DIP2A: variants seen among roughly 807,000 people sequenced by gnomAD.
The protein encoded by DIP2A is disco-interacting protein 2 homolog A.
In DIP2A, 85 loss-of-function variants were observed where a neutral mutation model predicts 177.4. The ratio of observed to expected loss-of-function variants is 0.48; its 90% CI spans 0.40 to 0.57. The LOEUF is 0.57. Ranked by LOEUF, DIP2A falls within the 20% of genes least tolerant of loss-of-function variation. The pLI, the probability that DIP2A is intolerant of heterozygous loss-of-function variation, is 0.00. For missense variants in DIP2A, 1,791 were observed against 2,100.2 expected, an observed-to-expected ratio of 0.85 and a Z score of 2.88; for synonymous variants, 886 against 881.8, an observed-to-expected ratio of 1.00 and a Z score of -0.08.
Position 46,538,486 on chromosome 21 carries a change from G to A in DIP2A, c.1805G>A (p.Arg602Gln), listed in dbSNP as rs73907514. The A allele has an allele frequency of 2.7e-4, 420 of 1,544,524 alleles. 2 individuals carry two copies. In the African/African-American group the frequency reaches 4.7e-3, roughly 17 times the overall value. Residue 602 changes from arginine to glutamine, a missense_variant, in exon 16 of 38, where the codon CGG becomes CAG. Physicochemically the swap from Arg to Gln is conservative, Grantham distance 43. Transcript: ENST00000417564. ...WIQKVCFYKA[R>Q]AALVKSRDMH... ...CTGTGCCATCCTCTCTCTGCAGCTC[G>A]GGCCGCGCTGGTGAAGTCGCGAGAC...
chr21:46,503,669 CTTT>C (rs2057815376), intron 5 of DIP2A, among the ~76,000 whole-genome samples: 2 of 125,478 alleles, frequency 1.6e-5, no homozygotes, highest in Non-Finnish European at 1.6e-5. Flanking sequence ...CTTTCTTTTT[CTTT>C]CTTTCTTTCT....
chr21:46,556,819 A>G lies in DIP2A; in HGVS notation c.3499-120A>G, dbSNP rs1222784305. ...CCAACCGTCTTTTAAGGAAATAAAT[A>G]TGATGTTTGGTAGTTCGGAGCTATG... On this transcript the variant is annotated intron_variant, in intron 29 of 37. Coordinates refer to ENST00000417564, the MANE Select transcript of DIP2A (RefSeq NM_015151.4). The surrounding 1 kb of genome is among the most constrained non-coding windows in gnomAD (Gnocchi z 4.5). The G allele has an allele frequency of 1.6e-5, 14 of 855,994 alleles. No homozygotes were observed. The highest frequency in any genetic ancestry group is 2.4e-5 in the Non-Finnish European group (14 of 586,146). The allele number at this position is 855,994 out of a possible 1,614,324, so 53.0% of individuals were successfully genotyped here. A position where few individuals can be genotyped will look rare whatever the true frequency, so the allele number is the denominator to read the frequency against.
At chr21:46,550,452 A>G (rs369282887) in intron 22 of DIP2A, 91 bp from the exon 23 acceptor site, 1 of 1,239,974 alleles carries the variant, frequency 8.1e-7, no homozygotes. Context: ...CCTGGGGAAC[A>G]GGTCCACAGA....
intron 9 of DIP2A, 105 bp downstream of exon 9, chr21:46,529,288 T>A: frequency 1.3e-6 from 1 of 761,672 alleles, no homozygotes; most frequent in Non-Finnish European, 2.1e-6. Flanking sequence ...ATTACAGCAT[T>A]AATACAAGGG....
chr21:46,546,814 T>A, intron 20 of DIP2A, 101 bp from the exon 21 acceptor site: 1 of 1,387,600 alleles, frequency 7.2e-7, no homozygotes, highest in Non-Finnish European at 9.9e-7. Flanking sequence ...CGCTAGAGGC[T>A]CCTGTGCTGT....
chr21:46,564,391 G>A (rs2060768129), intron 35 of DIP2A, among the ~76,000 whole-genome samples: 1 of 152,208 alleles, frequency 6.6e-6, no homozygotes, highest in South Asian at 2.1e-4. Flanking sequence ...TTGTCCTGAG[G>A]ACACAGTGGA....
the DIP2A span, among the ~76,000 whole-genome samples, chr21:46,575,294 T>C: frequency 2.6e-5 from 4 of 152,132 alleles, no homozygotes; most frequent in Non-Finnish European, 5.9e-5. Flanking sequence ...ATGAAGTCCA[T>C]ATATGAAAAT....
downstream of DIP2A, among the ~76,000 whole-genome samples, chr21:46,571,568 A>G (rs1486027246): frequency 6.6e-6 from 1 of 152,072 alleles, no homozygotes; most frequent in African/African-American, 2.4e-5. Context: ...ATCCTCTCCT[A>G]TTCCCTTGTG....
intron 34 of DIP2A, among the ~76,000 whole-genome samples, chr21:46,562,515 GA>G (rs1012241114): frequency 1.3e-5 from 2 of 152,214 alleles, no homozygotes; most frequent in Non-Finnish European, 2.9e-5. Flanking sequence ...GGGAGTCAGA[GA>G]GGGGTCCAGA....
At chr21:46,511,647 G>T in intron 8 of DIP2A, 33 bp downstream of exon 8, 2 of 1,500,476 alleles carry the variant, frequency 1.3e-6, no homozygotes, top group Non-Finnish European at 1.8e-6. Context: ...TGTGCTTCTG[G>T]GTTAGCTGTA....
At chr21:46,531,353 G>T (rs1206214455) in intron 9 of DIP2A, among the ~76,000 whole-genome samples, 2 of 152,156 alleles carry the variant, frequency 1.3e-5, no homozygotes, top group Admixed American at 1.3e-4. Context: ...AAACAAATTA[G>T]CTAGAGAATA....
intron 1 of DIP2A, chr21:46,463,134 C>T (rs1259691521): frequency 6.6e-6 from 1 of 152,260 alleles, no homozygotes; most frequent in African/African-American, 2.4e-5. Context: ...CTTAGACCCC[C>T]TGCCCCCCAA....
intron 8 of DIP2A, among the ~76,000 whole-genome samples, chr21:46,518,036 C>G (rs146303223): frequency 1.3e-5 from 2 of 152,254 alleles, no homozygotes; most frequent in African/African-American, 4.8e-5. Context: ...CTCTCCTACT[C>G]GGAAGCAGAG....
chr21:46,566,159 G>A (rs1407538638), intron 36 of DIP2A, among the ~76,000 whole-genome samples: 1 of 152,174 alleles, frequency 6.6e-6, no homozygotes, highest in Non-Finnish European at 1.5e-5. Flanking sequence ...GGCCAGACCG[G>A]TCTCTCTGCC....
At chr21:46,497,600 A>T (rs139739252) in intron 4 of DIP2A, among the ~76,000 whole-genome samples, 1 of 152,174 alleles carries the variant, frequency 6.6e-6, no homozygotes, top group African/African-American at 2.4e-5. Flanking sequence ...CTTTTATATG[A>T]GGTTTCTCTC....
intron 6 of DIP2A, among the ~76,000 whole-genome samples, chr21:46,507,692 CTTTTTTTTTTTTTTT>C (rs34594717): frequency 6.8e-5 from 3 of 43,952 alleles, no homozygotes; most frequent in African/African-American, 1.0e-4. Flanking sequence ...ATTTTCTGTT[CTTTTTTTTTTTTTTT>C]TTTTTTTTTT....
At chr21:46,504,612 C>A in intron 6 of DIP2A, 123 bp downstream of exon 6, 1 of 1,203,558 alleles carries the variant, frequency 8.3e-7, no homozygotes, top group Non-Finnish European at 1.1e-6. Flanking sequence ...TTAATCCATG[C>A]AGATAAATAG....
chr21:46,566,404 C>T (rs933831324), intron 36 of DIP2A, among the ~76,000 whole-genome samples, 156 bp from the exon 37 acceptor site: 35 of 152,186 alleles, frequency 2.3e-4, no homozygotes, highest in African/African-American at 8.2e-4. Context: ...CTGCCAGGAC[C>T]TCCATCACCC....
chr21:46,557,520 G>A lies in DIP2A; in HGVS notation c.3630-65G>A. On this transcript the variant is annotated intron_variant, in intron 30 of 37. Transcript: ENST00000417564. This position sits in a 1 kb window ranked among gnomAD's most constrained non-coding sequence, Gnocchi z 6.0. Reference sequence around the variant, plus strand: ...TGGAAAAGAAGTGTTCTTGAGGAAGGGAAGAGTGGAGTGCCCAGGGTGCTG... The same window carrying A: ...TGGAAAAGAAGTGTTCTTGAGGAAGAGAAGAGTGGAGTGCCCAGGGTGCTG... The A allele has an allele frequency of 1.3e-6, 2 of 1,527,278 alleles. No individual in the cohort carries two copies. Among genetic ancestry groups the A allele is most frequent in the Non-Finnish European group, 1.8e-6 (2 of 1,127,472 alleles). The allele number at this position is 1,527,278 out of a possible 1,614,324, so 94.6% of individuals were successfully genotyped here.
Sources: allele counts gnomAD v4.1 joint callset (sites outside exome capture counted in the v4.1 genomes callset), GRCh38; gene constraint gnomAD v4.1.1; non-coding constraint Gnocchi (gnomAD v3.1); transcripts MANE v1.5; gene names NCBI Gene and HGNC (gene_info 2026-07-23, HGNC 2026-07-21).